UBXN7: variants seen among roughly 807,000 people sequenced by gnomAD.
The protein encoded by UBXN7 is UBX domain protein 7.
UBXN7 carries 9 observed loss-of-function variants against 58.0 expected under a neutral mutation model. That is an observed-to-expected ratio of 0.16 (90% confidence interval 0.09 to 0.27). UBXN7 has a LOEUF of 0.27. Ranked by LOEUF, UBXN7 falls within the 10% of genes least tolerant of loss-of-function variation. UBXN7 has a pLI of 1.00. For synonymous variants in UBXN7, 208 were observed against 205.0 expected, an observed-to-expected ratio of 1.01 and a Z score of -0.12; for missense variants, 328 against 599.6, an observed-to-expected ratio of 0.55 and a Z score of 4.73.
intron 2 of UBXN7, among the ~76,000 whole-genome samples, chr3:196,405,977 T>G (rs937796479): frequency 2.0e-5 from 3 of 152,164 alleles, no homozygotes; most frequent in African/African-American, 7.2e-5. Context: ...AAAACAACTA[T>G]GAATATTTGC....
At chr3:196,364,557 G>T (rs1157164286) in intron 8 of UBXN7, among the ~76,000 whole-genome samples, 23 of 150,880 alleles carry the variant, frequency 1.5e-4, no homozygotes, top group Non-Finnish European at 3.1e-4. Context: ...TTCAACTTTT[G>T]AATATGCTTA....
chr3:196,358,210 A>C lies in UBXN7; in HGVS notation c.1309-1364T>G, dbSNP rs1407819593. On this transcript the variant is annotated intron_variant, in intron 10 of 10. Transcript: ENST00000296328. ...TGTGAAGCAGAGAATCCCAAGAGAA[A>C]ACCTACAGGCCCCAGAAGAGAAACA... is the stretch of plus-strand genomic sequence containing the variant. Among the ~76,000 whole-genome samples the C allele has an allele frequency of 2.0e-5, 3 of 152,138 alleles. No homozygotes were observed. In the East Asian group the frequency reaches 5.8e-4, roughly 29 times the overall value.
Position 196,362,642 on chromosome 3 carries a change from T to G in UBXN7, c.880A>C (p.Ile294Leu), listed in dbSNP as rs185132212. The change falls in exon 9 of 11, where the codon ATC becomes CTC. Residue 294 changes from isoleucine (I) to leucine (L), a missense_variant. Around this residue, in one of 4 missense-constraint regions of UBXN7, gnomAD observed 126 missense variants for 302.6 expected, o/e 0.42. Transcript: ENST00000296328. ...ASEDSQLEAA[I>L]RASLQETHFD... ...TGTGTTTCTTGTAAGGAGGCTCTGA[T>G]GGCAGCTTCTAGCTGGCTGTCTTCA... is the stretch of plus-strand genomic sequence containing the variant. The G allele has an allele frequency of 6.2e-7, 1 of 1,612,988 alleles. No homozygotes were observed. The highest frequency in any genetic ancestry group is 2.2e-5 in the East Asian group (1 of 44,846).
At chr3:196,361,818 C>G (rs926455464) in intron 10 of UBXN7, 26 bp downstream of exon 10, 4 of 1,605,342 alleles carry the variant, frequency 2.5e-6, no homozygotes, top group Non-Finnish European at 2.6e-6. Context: ...GTGGTCGGAA[C>G]TGAACCAAAG....
chr3:196,430,115 G>A (rs1214525387), intron 1 of UBXN7, among the ~76,000 whole-genome samples: 1 of 152,104 alleles, frequency 6.6e-6, no homozygotes, highest in Non-Finnish European at 1.5e-5. Flanking sequence ...AGCACTTTGG[G>A]AGGCTGAGGT....
At chr3:196,430,769 A>G (rs969377947) in intron 1 of UBXN7, among the ~76,000 whole-genome samples, 2 of 152,156 alleles carry the variant, frequency 1.3e-5, no homozygotes, top group African/African-American at 4.8e-5. Flanking sequence ...CACTGCAAAG[A>G]TTTTTCTATA....
At chr3:196,380,090 A>G (rs2108838628) in intron 5 of UBXN7, among the ~76,000 whole-genome samples, 1 of 152,266 alleles carries the variant, frequency 6.6e-6, no homozygotes, top group East Asian at 1.9e-4. Flanking sequence ...TCTATTAAAA[A>G]ATACAAAAAA....
chr3:196,350,805 G>C lies in UBXN7; in HGVS notation c.*5880C>G, dbSNP rs1442031162. 1.3e-5 allele frequency: 2 copies of C among 152,178 alleles called. No homozygotes were observed. The highest frequency in any genetic ancestry group is 2.9e-5 in the Non-Finnish European group (2 of 68,042). 9.4% of individuals were successfully genotyped at this position (152,178 alleles called of 1,614,324 possible). ...CTGTTGGGTTATCTGCAGTTCTAAA[G>C]AACATTCTTGCCACTATTCTAAAAT... On this transcript the variant is annotated 3_prime_UTR_variant, in exon 11 of 11. Transcript: ENST00000296328.
chr3:196,373,804 T>C (rs1031590560), intron 5 of UBXN7, among the ~76,000 whole-genome samples: 2 of 152,188 alleles, frequency 1.3e-5, no homozygotes, highest in African/African-American at 4.8e-5. Flanking sequence ...ATGATCCTCC[T>C]GCCCTGGCCT....
intron 5 of UBXN7, among the ~76,000 whole-genome samples, chr3:196,376,107 GA>G (rs1729011159): frequency 6.6e-6 from 1 of 152,034 alleles, no homozygotes; most frequent in African/African-American, 2.4e-5. Context: ...AAGTCGAGAA[GA>G]AAATATATTA....
chr3:196,371,574 C>T (rs1728833233), intron 6 of UBXN7, among the ~76,000 whole-genome samples: 1 of 152,050 alleles, frequency 6.6e-6, no homozygotes, highest in South Asian at 2.1e-4. Flanking sequence ...CTCCGCTACC[C>T]GGGTTCAAGT....
intron 5 of UBXN7, among the ~76,000 whole-genome samples, chr3:196,377,548 C>T (rs1206340291): frequency 6.6e-6 from 1 of 152,206 alleles, no homozygotes; most frequent in African/African-American, 2.4e-5. Context: ...AACACGGACA[C>T]ATCTACTTGC....
At chr3:196,406,462 CAG>C (rs971288063) in intron 2 of UBXN7, among the ~76,000 whole-genome samples, 27 of 151,980 alleles carry the variant, frequency 1.8e-4, no homozygotes, top group Non-Finnish European at 3.1e-4. Context: ...TTTTTTGAGA[CAG>C]AGTCTTGCTC....
At chr3:196,394,603 CA>C (rs58896906) in intron 3 of UBXN7, among the ~76,000 whole-genome samples, 2,739 of 113,766 alleles carry the variant, frequency 0.024, 56 homozygotes, top group African/African-American at 0.075. Flanking sequence ...AACTCCGTCT[CA>C]AAAAAAAAAA....
chr3:196,425,238 T>G (rs1730810051), intron 1 of UBXN7, among the ~76,000 whole-genome samples: 1 of 152,124 alleles, frequency 6.6e-6, no homozygotes, highest in Admixed American at 6.6e-5. Flanking sequence ...ATTTTGACTC[T>G]GATTTCTTCC....
intron 5 of UBXN7, among the ~76,000 whole-genome samples, chr3:196,372,749 ATT>A (rs34621274): frequency 6.9e-6 from 1 of 144,896 alleles, no homozygotes; most frequent in Non-Finnish European, 1.5e-5. Flanking sequence ...TCCATCAACA[ATT>A]TTTTTTTTTT....
At position 196,351,310 on chromosome 3, in the gene UBXN7, T is replaced by G. The variant is rs1380848382; in HGVS notation, c.*5375A>C. The G allele has an allele frequency of 1.3e-5, 2 of 152,218 alleles. No individual in the cohort carries two copies. The highest frequency in any genetic ancestry group is 2.9e-5 in the Non-Finnish European group (2 of 68,030). 9.4% of individuals were successfully genotyped at this position (152,218 alleles called of 1,614,324 possible). On this transcript the variant is annotated 3_prime_UTR_variant, in exon 11 of 11. Transcript: ENST00000296328. ...GTCATATTTGGTTCTCATTTACATT[T>G]TAGTCATACTCAACACTGATTAGGC...
intron 1 of UBXN7, among the ~76,000 whole-genome samples, chr3:196,414,311 C>T (rs972779801): frequency 2.6e-5 from 4 of 152,166 alleles, no homozygotes; most frequent in Non-Finnish European, 4.4e-5. Flanking sequence ...ATTTTCAATA[C>T]GCAGGCTAAA....
chr3:196,352,781 CAA>C lies in UBXN7; in HGVS notation c.*3902_*3903del, dbSNP rs1728246485. The C allele has an allele frequency of 6.6e-6, 1 of 151,932 alleles. No homozygotes were observed. The highest frequency in any genetic ancestry group is 2.1e-4 in the South Asian group (1 of 4,790). 9.4% of individuals were successfully genotyped at this position (151,932 alleles called of 1,614,324 possible). On this transcript the variant is annotated 3_prime_UTR_variant, in exon 11 of 11. Transcript: ENST00000296328. The surrounding 1 kb of genome is among the most constrained non-coding windows in gnomAD (Gnocchi z 4.1). ...GGCCGAGGTGGGCGGAACACGAGAT[CAA>C]GAGATCGAGACCATCCTGGCCAACA...
Sources: gnomAD v4.1 joint callset for allele counts (sites outside exome capture counted in the v4.1 genomes callset) on GRCh38, gnomAD v4.1.1 for gene constraint, gnomAD v4.1.1 regional missense constraint, Gnocchi (gnomAD v3.1) non-coding constraint, MANE v1.5 for transcripts, NCBI Gene and HGNC (gene_info 2026-07-23, HGNC 2026-07-21) for gene names.